Variants in COL9A1 observed in about 807,000 individuals in gnomAD.
COL9A1 encodes the protein collagen type IX alpha 1 chain, also known as collagen alpha-1(IX) chain.
COL9A1 carries 104 observed loss-of-function variants against 142.6 expected under a neutral mutation model. The observed-to-expected ratio is 0.73, with a 90% confidence interval of 0.62 to 0.86. COL9A1 has a LOEUF of 0.86. Ranked by LOEUF, COL9A1 falls within the 40% of genes least tolerant of loss-of-function variation. The probability of loss-of-function intolerance (pLI) is 0.00; values close to 1 mark genes in which losing one functional copy is unlikely to be tolerated. For missense variants in COL9A1, 1,210 were observed against 1,176.6 expected (o/e 1.03, Z -0.42); for synonymous variants, 466 against 396.0 (o/e 1.18, Z -2.10).
chr6:70,303,058 C>A lies in COL9A1; in HGVS notation c.-134G>T, dbSNP rs1039999107. ...CTGGGCCCAGCCTTGGTCCCTCCTG[C>A]CCCCGGTGAGGGCTAAAAGCAAAGG... On this transcript the variant is annotated 5_prime_UTR_variant, in exon 1 of 38. Transcript: ENST00000357250. 11 of 947,946 alleles carry A rather than the reference C, an allele frequency of 1.2e-5. No homozygotes were observed. The highest frequency in any genetic ancestry group is 1.7e-5 in the Non-Finnish European group (10 of 576,802). 58.7% of individuals were successfully genotyped at this position (947,946 alleles called of 1,614,324 possible). A position where few individuals can be genotyped will look rare whatever the true frequency, so the allele number is the denominator to read the frequency against.
At chr6:70,295,583 C>T (rs913294502) in intron 4 of COL9A1, among the ~76,000 whole-genome samples, 3 of 152,134 alleles carry the variant, frequency 2.0e-5, no homozygotes, top group East Asian at 1.9e-4. Context: ...CTACTGCATC[C>T]GGCCCAGTTG....
chr6:70,280,756 A>G, intron 10 of COL9A1, 56 bp downstream of exon 10: 1 of 1,546,986 alleles, frequency 6.5e-7, no homozygotes, highest in Non-Finnish European at 8.8e-7. Flanking sequence ...ACACACACTT[A>G]CTCGTACCCA....
At chr6:70,238,525 A>G (rs757685882) in intron 33 of COL9A1, among the ~76,000 whole-genome samples, 1 of 152,190 alleles carries the variant, frequency 6.6e-6, no homozygotes, top group Non-Finnish European at 1.5e-5. Flanking sequence ...TACTTCCCCA[A>G]CTAGAACACA....
chr6:70,232,684 G>C lies in COL9A1; in HGVS notation c.2402C>G (p.Pro801Arg). Residue 801 changes from proline (P) to arginine (R), a missense_variant, in exon 36 of 38, where the codon CCC becomes CGC. Transcript: ENST00000357250. ...LPGRPGPPGP[P>R]GPPGENGFPG... ...GAAACCATTCTCTCCAGGAGGGCCG[G>C]GGGGACCAGGAGGGCCAGGCCTTCC... 2 of 1,614,018 alleles carry C rather than the reference G, an allele frequency of 1.2e-6. No homozygotes were observed. Among genetic ancestry groups the C allele is most frequent in the African/African-American group, 1.3e-5 (1 of 75,048 alleles).
intron 28 of COL9A1, among the ~76,000 whole-genome samples, chr6:70,247,304 T>C (rs1289667450): frequency 1.3e-5 from 2 of 152,198 alleles, no homozygotes; most frequent in Admixed American, 6.5e-5. Context: ...AAGTTGGAGG[T>C]TTTCCTTTTA....
At chr6:70,290,999 A>G (rs1485086311) in intron 5 of COL9A1, among the ~76,000 whole-genome samples, 4 of 152,140 alleles carry the variant, frequency 2.6e-5, no homozygotes, top group Non-Finnish European at 5.9e-5. Flanking sequence ...GCCTCTCAGA[A>G]TATGTCCATA....
At chr6:70,277,012 T>C (rs1772804817) in intron 10 of COL9A1, among the ~76,000 whole-genome samples, 1 of 152,224 alleles carries the variant, frequency 6.6e-6, no homozygotes, top group Non-Finnish European at 1.5e-5. Flanking sequence ...TCTTTTAGAA[T>C]AATTTCTTAA....
At position 70,269,637 on chromosome 6, in the gene COL9A1, G is replaced by C. The variant is rs1393209411; in HGVS notation, c.1226C>G (p.Pro409Arg). 1 of 1,590,650 alleles carries C rather than the reference G, an allele frequency of 6.3e-7. No homozygotes were observed. Among genetic ancestry groups the C allele is most frequent in the Non-Finnish European group, 8.6e-7 (1 of 1,158,794 alleles). The change falls in exon 16 of 38, where the codon CCA becomes CGA. Residue 409 changes from proline (P) to arginine (R), a missense_variant. Transcript: ENST00000357250. The part of the protein sequence containing the change: ...RGTIGFHDGD[P>R]LCPNACPPGR... ...GTTCAAAGGAAAGCATCTTACCAAT[G>C]GATCTCCATCATGAAAGCCAATTGT...
intron 32 of COL9A1, among the ~76,000 whole-genome samples, chr6:70,239,685 TAA>T (rs1163991358): frequency 1.3e-5 from 2 of 152,222 alleles, no homozygotes. Flanking sequence ...AAACAATATT[TAA>T]AAGTCATCCC....
chr6:70,231,775 G>A lies in COL9A1; in HGVS notation c.2503+808C>T, dbSNP rs9354909. Among the ~76,000 whole-genome samples, 1,287 of 150,876 alleles carry A rather than the reference G, an allele frequency of 8.5e-3. 64 individuals carry two copies. The East Asian group carries it at 0.15, about 18-fold the overall frequency. On this transcript the variant is annotated intron_variant, in intron 36 of 37. Coordinates refer to ENST00000357250, the MANE Select transcript of COL9A1 (RefSeq NM_001851.6). ...TGCCACGTCTTTCTGAAGTTCTCCAGAAAGCTGTCAGTCACTCATCATGAC... is the reference window on the plus strand; with the variant it reads ...TGCCACGTCTTTCTGAAGTTCTCCAAAAAGCTGTCAGTCACTCATCATGAC...
intron 37 of COL9A1, among the ~76,000 whole-genome samples, chr6:70,219,234 C>T (rs964944693): frequency 6.6e-6 from 1 of 151,826 alleles, no homozygotes; most frequent in African/African-American, 2.4e-5. Flanking sequence ...ACCAGGTGTG[C>T]CTTAAAATCA....
In COL9A1 at chr6:70,270,897, G is replaced by A. The variant is rs184321833; in HGVS notation, c.1144-530C>T. Among the ~76,000 whole-genome samples, 6 of 152,246 alleles carry A rather than the reference G, an allele frequency of 3.9e-5. No homozygotes were observed. In the East Asian group the frequency reaches 9.7e-4, roughly 25 times the overall value. On this transcript the variant is annotated intron_variant, in intron 14 of 37. Coordinates refer to ENST00000357250, the MANE Select transcript of COL9A1 (RefSeq NM_001851.6). ...TCAGAAAATCAAAGAAAGCTACATC[G>A]AAGTAAACCGTTCAGATGAAAATGG... is the stretch of plus-strand genomic sequence containing the variant.
intron 5 of COL9A1, among the ~76,000 whole-genome samples, chr6:70,290,269 A>G (rs1320066657): frequency 1.3e-5 from 2 of 152,172 alleles, no homozygotes; most frequent in African/African-American, 4.8e-5. Flanking sequence ...AACAAACAAT[A>G]AAGAATCTGT....
At chr6:70,274,565 G>T (rs1772627224) in intron 11 of COL9A1, among the ~76,000 whole-genome samples, 154 bp downstream of exon 11, 1 of 152,170 alleles carries the variant, frequency 6.6e-6, no homozygotes, top group Non-Finnish European at 1.5e-5. Context: ...TGGCTGCATA[G>T]TATTCCACAT....
chr6:70,240,615 G>C (rs964136087), intron 32 of COL9A1, 74 bp downstream of exon 32: 1 of 978,678 alleles, frequency 1.0e-6, no homozygotes, highest in Non-Finnish European at 1.6e-6. Context: ...AACTGTGTTA[G>C]AAGTATATAT....
At chr6:70,259,268 T>C (rs1771521356) in intron 20 of COL9A1, among the ~76,000 whole-genome samples, 1 of 152,218 alleles carries the variant, frequency 6.6e-6, no homozygotes, top group South Asian at 2.1e-4. Flanking sequence ...GTATTGTTAA[T>C]TAACTGTTAA....
At chr6:70,242,982 CTT>C (rs1216665679) in intron 28 of COL9A1, among the ~76,000 whole-genome samples, 1 of 152,190 alleles carries the variant, frequency 6.6e-6, no homozygotes, top group Non-Finnish European at 1.5e-5. Context: ...CACATCCTAA[CTT>C]TTATTATGGT....
intron 26 of COL9A1, 185 bp downstream of exon 26, chr6:70,253,200 A>G (rs1771061835): frequency 2.0e-6 from 1 of 510,614 alleles, no homozygotes; most frequent in Non-Finnish European, 3.6e-6. Flanking sequence ...GCATTTTGTC[A>G]AAGTATGCTT....
chr6:70,259,237 T>G (rs1771519095), intron 20 of COL9A1, among the ~76,000 whole-genome samples: 1 of 152,198 alleles, frequency 6.6e-6, no homozygotes, highest in Admixed American at 6.5e-5. Flanking sequence ...TTTCATTTAT[T>G]GAGCATGTAC....
Sources: gnomAD v4.1 joint callset for allele counts (sites outside exome capture counted in the v4.1 genomes callset) on GRCh38, gnomAD v4.1.1 for gene constraint, MANE v1.5 for transcripts, NCBI Gene and HGNC (gene_info 2026-07-23, HGNC 2026-07-21) for gene names.